Variants in KLHL3 observed in about 807,000 individuals in gnomAD.
KLHL3 encodes kelch-like protein 3.
Under a neutral mutation model 70.5 loss-of-function variants are expected in KLHL3, and 19 were observed. The observed-to-expected ratio is 0.27, with a 90% CI of 0.19 to 0.40. The LOEUF is 0.40. KLHL3 is among the 10% of genes least tolerant of loss of function. The pLI is 1.00. For synonymous variants in KLHL3, 258 were observed against 290.3 expected, an observed-to-expected ratio of 0.89 and a Z score of 1.13; for missense variants, 512 against 771.1, an observed-to-expected ratio of 0.66 and a Z score of 3.98.
chr5:137,701,890 G>C (rs1424757528), intron 3 of KLHL3, among the ~76,000 whole-genome samples: 1 of 152,234 alleles, frequency 6.6e-6, no homozygotes, highest in African/African-American at 2.4e-5. Context: ...AACTTTCAGA[G>C]AATGTCTGTC....
chr5:137,678,901 TC>T (rs1412684890), intron 5 of KLHL3, among the ~76,000 whole-genome samples: 2 of 152,036 alleles, frequency 1.3e-5, no homozygotes. Flanking sequence ...ATCTTGAAAC[TC>T]AGGAATATTT....
intron 2 of KLHL3, among the ~76,000 whole-genome samples, chr5:137,715,749 A>G (rs1286195261): frequency 6.6e-6 from 1 of 152,220 alleles, no homozygotes; most frequent in Admixed American, 6.5e-5. Context: ...ATTATTCTAC[A>G]GGCTGTTCAA....
intron 6 of KLHL3, among the ~76,000 whole-genome samples, chr5:137,670,350 G>A (rs1220137437): frequency 6.6e-6 from 1 of 151,742 alleles, no homozygotes; most frequent in Non-Finnish European, 1.5e-5. Context: ...ATTCATTTTG[G>A]AAATGAATTA....
At chr5:137,627,848 G>A (rs1649101880) in intron 13 of KLHL3, among the ~76,000 whole-genome samples, 1 of 152,222 alleles carries the variant, frequency 6.6e-6, no homozygotes. Flanking sequence ...AACTGTCCCT[G>A]CAAGGAAGGA....
intron 6 of KLHL3, among the ~76,000 whole-genome samples, chr5:137,665,409 T>C (rs956447238): frequency 6.6e-6 from 1 of 152,208 alleles, no homozygotes; most frequent in Admixed American, 6.5e-5. Flanking sequence ...TCCTCGTTCT[T>C]AAGAGATACA....
intron 1 of KLHL3, chr5:137,720,906 T>G: frequency 9.2e-7 from 1 of 1,085,204 alleles, no homozygotes; most frequent in African/African-American, 1.6e-5. Context: ...CACAGGTTTG[T>G]TTGTTCATTA....
At chr5:137,638,846 T>C (rs775827879) in intron 10 of KLHL3, 107 bp downstream of exon 10, 1 of 1,056,238 alleles carries the variant, frequency 9.5e-7, no homozygotes, top group Non-Finnish European at 1.4e-6. Context: ...CCTGGGGCAG[T>C]AGCTACAAAT....
At chr5:137,623,461 C>G (rs1750375180) in intron 14 of KLHL3, among the ~76,000 whole-genome samples, 1 of 152,322 alleles carries the variant, frequency 6.6e-6, no homozygotes, top group East Asian at 1.9e-4. Context: ...TTGACAGCAT[C>G]TTACTTGAAT....
intron 4 of KLHL3, 106 bp from the exon 5 acceptor site, chr5:137,692,553 C>T: frequency 1.9e-6 from 2 of 1,056,744 alleles, no homozygotes; most frequent in Non-Finnish European, 2.8e-6. Flanking sequence ...CATGGCTCTC[C>T]ACTGCCCGCC....
At position 137,625,790 on chromosome 5, in the gene KLHL3, C is replaced by A; in HGVS notation, c.1698G>T (p.Leu566=). Residue 566 remains leucine, a synonymous_variant, in exon 14 of 15, where the codon CTG becomes CTT. Transcript: ENST00000309755. ...YYNPVTDKWT[L]LPTNMSTGRS... ...GCCCCGTGCTCATGTTCGTTGGAAG[C>A]AGCGTCCATTTGTCAGTGACAGGAT... The A allele has an allele frequency of 6.2e-7, 1 of 1,614,176 alleles. No individual in the cohort carries two copies. The highest frequency in any genetic ancestry group is 8.5e-7 in the Non-Finnish European group (1 of 1,180,032).
intron 11 of KLHL3, among the ~76,000 whole-genome samples, chr5:137,636,929 A>G (rs1673512922): frequency 6.6e-6 from 1 of 152,188 alleles, no homozygotes; most frequent in Non-Finnish European, 1.5e-5. Flanking sequence ...AAGCACATTT[A>G]ACTCTCACTC....
rs1191318579 is a variant in KLHL3, at chr5:137,711,774, T to C, written c.135-1918A>G. Among the ~76,000 whole-genome samples the C allele has an allele frequency of 2.6e-5, 4 of 152,282 alleles. No homozygotes were observed. The East Asian group carries it at 5.8e-4, about 22-fold the overall frequency. On this transcript the variant is annotated intron_variant, in intron 2 of 14. Coordinates refer to ENST00000309755, the MANE Select transcript of KLHL3 (RefSeq NM_017415.3). ...GGGCCAAATGGGATTACAGGTGCCA[T>C]CTGAAAATGGCCTTTAGTCTCATTA...
chr5:137,620,841 T>C lies in KLHL3; in HGVS notation c.*1257A>G, dbSNP rs1406600004. ...AAAGCAGTAGTGGGGTTCTTGGGGG[T>C]TGGGGAGAGGGTGCACACCCTGGAA... On this transcript the variant is annotated 3_prime_UTR_variant, in exon 15 of 15. Transcript: ENST00000309755. The C allele has an allele frequency of 6.6e-6, 1 of 151,860 alleles. No homozygotes were observed. The highest frequency in any genetic ancestry group is 1.5e-5 in the Non-Finnish European group (1 of 68,012). The allele number at this position is 151,860 out of a possible 1,614,324, so 9.4% of individuals were successfully genotyped here. A position where few individuals can be genotyped will look rare whatever the true frequency, so the allele number is the denominator to read the frequency against.
chr5:137,733,744 T>C (rs1753216346), intron 1 of KLHL3, among the ~76,000 whole-genome samples: 1 of 152,190 alleles, frequency 6.6e-6, no homozygotes, highest in Non-Finnish European at 1.5e-5. Context: ...GATATGAGGC[T>C]AGATGGAGTA....
intron 14 of KLHL3, among the ~76,000 whole-genome samples, chr5:137,623,697 C>T (rs1419934544): frequency 6.6e-6 from 1 of 152,226 alleles, no homozygotes; most frequent in African/African-American, 2.4e-5. Context: ...CAATCATTTA[C>T]TGCATGGTGT....
At chr5:137,678,727 T>C (rs2149908128) in intron 5 of KLHL3, among the ~76,000 whole-genome samples, 1 of 152,280 alleles carries the variant, frequency 6.6e-6, no homozygotes, top group African/African-American at 2.4e-5. Flanking sequence ...CAAATAATTC[T>C]CATACAAATT....
intron 4 of KLHL3, among the ~76,000 whole-genome samples, chr5:137,693,138 G>A (rs982168850): frequency 2.6e-5 from 4 of 152,272 alleles, no homozygotes; most frequent in Admixed American, 6.5e-5. Flanking sequence ...GGATTCAGGG[G>A]TAAGCAAGAG....
Position 137,709,808 on chromosome 5 carries a change from T to C in KLHL3, c.183A>G (p.Ile61Met). 1 of 1,614,172 alleles carries C rather than the reference T, an allele frequency of 6.2e-7. No homozygotes were observed. ...DVMIVAEDVE[I>M]EAHRVVLAAC... is the part of the protein sequence containing the mutation. ...CTGCCAGGACCACACGGTGGGCTTC[T>C]ATCTCGACATCTTCTGCCACAATCA... The change falls in exon 3 of 15, where the codon ATA becomes ATG. Residue 61 changes from isoleucine to methionine, a missense_variant. By Grantham distance (10) the Ile-to-Met change is conservative. Transcript: ENST00000309755.
intron 7 of KLHL3, 32 bp downstream of exon 7, chr5:137,661,883 C>T (rs763971207): frequency 3.3e-6 from 4 of 1,224,590 alleles, no homozygotes; most frequent in Non-Finnish European, 4.8e-6. Flanking sequence ...TGGGTGAACA[C>T]AGAAGTGCTT....
Sources: allele counts gnomAD v4.1 joint callset (sites outside exome capture counted in the v4.1 genomes callset), GRCh38; gene constraint gnomAD v4.1.1; transcripts MANE v1.5; gene names NCBI Gene and HGNC (gene_info 2026-07-23, HGNC 2026-07-21).